PIGZ: variants seen among roughly 807,000 people sequenced by gnomAD.
PIGZ encodes the protein phosphatidylinositol glycan anchor biosynthesis class Z (Gwada blood group).
In PIGZ, 16 loss-of-function variants were observed where a neutral mutation model predicts 16.4. The observed-to-expected ratio is 0.97, with a 90% CI of 0.66 to 1.48. The LOEUF (loss-of-function observed/expected upper bound fraction) is 1.48, where lower values mean the gene tolerates loss of function less well. Ranked by LOEUF, PIGZ falls within the 40% of genes most tolerant of loss-of-function variation. The pLI is 0.00. For synonymous variants in PIGZ, 409 were observed against 338.4 expected, an observed-to-expected ratio of 1.21 and a Z score of -2.29; for missense variants, 770 against 739.2, an observed-to-expected ratio of 1.04 and a Z score of -0.48.
At chr3:196,956,390 A>C (rs892111693) in intron 1 of PIGZ, among the ~76,000 whole-genome samples, 1 of 152,222 alleles carries the variant, frequency 6.6e-6, no homozygotes, top group South Asian at 2.1e-4. Flanking sequence ...ACGAATGAGA[A>C]GCAAGCGAAT....
chr3:196,952,125 A>C, intron 1 of PIGZ, 94 bp from the exon 2 acceptor site: 1 of 1,145,238 alleles, frequency 8.7e-7, no homozygotes, highest in Non-Finnish European at 1.3e-6. Flanking sequence ...ATTTAATAAA[A>C]ATGACAATAA....
Position 196,947,319 on chromosome 3 carries a change from G to A in PIGZ, c.1578C>T (p.Thr526=), listed in dbSNP as rs1202995213. The A allele has an allele frequency of 3.1e-6, 5 of 1,614,054 alleles. No homozygotes were observed. In the Admixed American group the frequency reaches 8.3e-5, roughly 27 times the overall value. ...LCRLFVVTPG[T]TRRAVEKCSF... ...TGCACTTCTCCACGGCACGCCTGGT[G>A]GTGCCAGGGGTTACCACAAAGAGGC... is the stretch of plus-strand genomic sequence containing the variant. The change falls in exon 3 of 3, where the codon ACC becomes ACT. Residue 526 remains threonine, a synonymous_variant. Coordinates refer to ENST00000412723, the MANE Select transcript of PIGZ (RefSeq NM_025163.4).
At chr3:196,968,545 C>T (rs1200898964) in intron 1 of PIGZ, 142 bp downstream of exon 1, 2 of 152,316 alleles carry the variant, frequency 1.3e-5, no homozygotes, top group African/African-American at 2.4e-5. Flanking sequence ...GGGGGGCGGC[C>T]CCCAGCTCCC....
intron 1 of PIGZ, among the ~76,000 whole-genome samples, chr3:196,958,707 A>T (rs1420311457): frequency 6.6e-6 from 1 of 152,228 alleles, no homozygotes; most frequent in Non-Finnish European, 1.5e-5. Flanking sequence ...TGGAAAATAT[A>T]GGATTATATT....
rs371200433 is a variant in PIGZ, at chr3:196,948,167, G to T, written c.730C>A (p.Arg244Ser). 1.2e-6 allele frequency: 2 copies of T among 1,613,164 alleles called. No homozygotes were observed. Among genetic ancestry groups the T allele is most frequent in the African/African-American group, 2.7e-5 (2 of 74,894 alleles). ...AVVPLYLWGT[R>S]GATNPGLKSL... Reference sequence around the variant, plus strand: ...TTCAAACCAGGGTTTGTGGCTCCACGAGTGCCCCAGAGGTAGAGGGGGACC... The same window carrying T: ...TTCAAACCAGGGTTTGTGGCTCCACTAGTGCCCCAGAGGTAGAGGGGGACC... The change falls in exon 3 of 3, where the codon CGT becomes AGT. Residue 244 changes from arginine to serine, a missense_variant. Arg to Ser is a moderately radical substitution (Grantham distance 110, BLOSUM62 -1). Coordinates refer to ENST00000412723, the MANE Select transcript of PIGZ (RefSeq NM_025163.4).
At position 196,948,358 on chromosome 3, in the gene PIGZ, A is replaced by G. The variant is rs147518119; in HGVS notation, c.539T>C (p.Ile180Thr). ...CAGCCACGTGAAGAGGAGTCCCTCA[A>G]TGGTGTTGGAGAAGGTCCTTGTGTA... is the stretch of plus-strand genomic sequence containing the variant. The part of the protein sequence containing the change: ...VFYTRTFSNT[I>T]EGLLFTWLLV... Residue 180 changes from isoleucine (I) to threonine (T), a missense_variant, in exon 3 of 3, where the codon ATT becomes ACT. Physicochemically the swap from Ile to Thr is moderately conservative, Grantham distance 89. Coordinates refer to ENST00000412723, the MANE Select transcript of PIGZ (RefSeq NM_025163.4). 21 of 1,614,042 alleles carry G rather than the reference A, an allele frequency of 1.3e-5. No homozygotes were observed. The Admixed American group carries it at 1.5e-4, about 12-fold the overall frequency.
intron 1 of PIGZ, among the ~76,000 whole-genome samples, chr3:196,956,639 T>G (rs138966775): frequency 3.7e-4 from 57 of 152,362 alleles, no homozygotes; most frequent in Non-Finnish European, 7.5e-4. Flanking sequence ...TTAAGTTCTA[T>G]TTCATATTTT....
chr3:196,950,063 G>A (rs1438370834), intron 2 of PIGZ, among the ~76,000 whole-genome samples: 3 of 151,820 alleles, frequency 2.0e-5, no homozygotes, highest in Admixed American at 6.6e-5. Flanking sequence ...TTGGCTCACT[G>A]CAACCTCTGC....
At position 196,965,793 on chromosome 3, in the gene PIGZ, A is replaced by G. The variant is rs551556616; in HGVS notation, c.-1+2894T>C. On this transcript the variant is annotated intron_variant, in intron 1 of 2. Coordinates refer to ENST00000412723, the MANE Select transcript of PIGZ (RefSeq NM_025163.4). This position sits in a 1 kb window ranked among gnomAD's most constrained non-coding sequence, Gnocchi z 4.2. ...TTAACCAGTGTGTCATATAACAGCA[A>G]TCATTTTCTGTGGATGAATAATGAG... is the stretch of plus-strand genomic sequence containing the variant. Among the ~76,000 whole-genome samples the G allele has an allele frequency of 2.6e-5, 4 of 152,280 alleles. No individual in the cohort carries two copies. Among genetic ancestry groups the G allele is most frequent in the Middle Eastern group, 3.4e-3 (1 of 294 alleles).
At chr3:196,959,746 C>T (rs963381766) in intron 1 of PIGZ, among the ~76,000 whole-genome samples, 1 of 152,170 alleles carries the variant, frequency 6.6e-6, no homozygotes, top group Admixed American at 6.6e-5. Context: ...CCTTGGCTTC[C>T]GCGTTGTCAA....
At chr3:196,950,612 C>A (rs1018844239) in intron 2 of PIGZ, among the ~76,000 whole-genome samples, 6 of 152,178 alleles carry the variant, frequency 3.9e-5, no homozygotes, top group African/African-American at 1.2e-4. Flanking sequence ...TATCTGGCTG[C>A]TTTTCTGGTT....
At chr3:196,963,694 TA>T (rs1291035115) in intron 1 of PIGZ, among the ~76,000 whole-genome samples, 1 of 152,202 alleles carries the variant, frequency 6.6e-6, no homozygotes, top group African/African-American at 2.4e-5. Flanking sequence ...TGTGGGAGCT[TA>T]CCCTAACAAC....
At chr3:196,954,456 T>C (rs1207670852) in intron 1 of PIGZ, among the ~76,000 whole-genome samples, 1 of 152,270 alleles carries the variant, frequency 6.6e-6, no homozygotes, top group Admixed American at 6.5e-5. Flanking sequence ...CTTTTTTCTT[T>C]CTTTATAATC....
At position 196,946,806 on chromosome 3, in the gene PIGZ, G is replaced by A. The variant is rs779213603; in HGVS notation, c.*351C>T. 7.3e-5 allele frequency: 15 copies of A among 206,358 alleles called. No homozygotes were observed. Among genetic ancestry groups the A allele is most frequent in the Middle Eastern group, 1.7e-3 (1 of 578 alleles). 12.8% of individuals were successfully genotyped at this position (206,358 alleles called of 1,614,324 possible). On this transcript the variant is annotated 3_prime_UTR_variant, in exon 3 of 3. Transcript: ENST00000412723. ...TGGGAGGTTTGGGAGAGGTCATTGAGGAATGTCACTAGCAGTTCATTGTCT... is the reference window on the plus strand; with the variant it reads ...TGGGAGGTTTGGGAGAGGTCATTGAAGAATGTCACTAGCAGTTCATTGTCT...
At chr3:196,949,037 T>TCCCCTCCCCTCCCTTC (rs796224468) in intron 2 of PIGZ, among the ~76,000 whole-genome samples, 3 of 22,248 alleles carry the variant, frequency 1.3e-4, no homozygotes, top group African/African-American at 6.5e-4. Context: ...TTCCTTCCCT[T>TCCCCTCCCCTCCCTTC]CCTTCCTTCC....
intron 1 of PIGZ, among the ~76,000 whole-genome samples, chr3:196,963,412 AC>A (rs1717799347): frequency 6.6e-6 from 1 of 152,050 alleles, no homozygotes; most frequent in Admixed American, 6.6e-5. Flanking sequence ...TTACATTCCC[AC>A]CAGAAATGTA....
In PIGZ at chr3:196,947,434, C is replaced by A. The variant is rs368037497; in HGVS notation, c.1463G>T (p.Gly488Val). The change falls in exon 3 of 3, where the codon GGG (glycine) becomes GTG (valine). Residue 488 changes from glycine to valine, a missense_variant. By Grantham distance (109) the Gly-to-Val change is moderately radical (BLOSUM62 -3). Transcript: ENST00000412723. The part of the protein sequence containing the change: ...LGAPVEVVDM[G>V]GTEDWALCQT... ...GCACAGGGCCCAGTCCTCAGTCCCCCCCATGTCCACCACCTCCACTGGTGC... is the reference window on the plus strand; with the variant it reads ...GCACAGGGCCCAGTCCTCAGTCCCCACCATGTCCACCACCTCCACTGGTGC... 3.7e-5 allele frequency: 60 copies of A among 1,613,788 alleles called. No homozygotes were observed. The highest frequency in any genetic ancestry group is 2.2e-4 in the East Asian group (10 of 44,882).
chr3:196,955,180 CCTCCCAAAGTG>C (rs1484886709), intron 1 of PIGZ, among the ~76,000 whole-genome samples: 3 of 152,232 alleles, frequency 2.0e-5, no homozygotes, highest in African/African-American at 7.2e-5. Flanking sequence ...CCCACCTTGG[CCTCCCAAAGTG>C]CTCGGATTAC....
rs1196860133 is a variant in PIGZ, at chr3:196,948,132, G to C, written c.765C>G (p.Thr255=). 10 of 1,605,078 alleles carry C rather than the reference G, an allele frequency of 6.2e-6. No individual in the cohort carries two copies. Among genetic ancestry groups the C allele is most frequent in the Non-Finnish European group, 8.5e-6 (10 of 1,174,344 alleles). Residue 255 remains threonine, a synonymous_variant, in exon 3 of 3, where the codon ACC becomes ACG. Coordinates refer to ENST00000412723, the MANE Select transcript of PIGZ (RefSeq NM_025163.4). The part of the protein sequence containing the change: ...GATNPGLKSL[T]REALVLLPGA... ...CAGGGAGCAGCACCAGGGCCTCCCG[G>C]GTCAGAGACTTCAAACCAGGGTTTG...
Sources: allele counts gnomAD v4.1 joint callset (sites outside exome capture counted in the v4.1 genomes callset), GRCh38; gene constraint gnomAD v4.1.1; non-coding constraint Gnocchi (gnomAD v3.1); transcripts MANE v1.5; gene names NCBI Gene and HGNC (gene_info 2026-07-23, HGNC 2026-07-21).